FCN1: variants seen among roughly 807,000 people sequenced by gnomAD.
FCN1 encodes the protein ficolin-1.
Under a neutral mutation model 35.6 loss-of-function variants are expected in FCN1, and 42 were observed. That is an observed-to-expected ratio of 1.18 (90% CI 0.92 to 1.53). The LOEUF (loss-of-function observed/expected upper bound fraction) is 1.53. Ranked by LOEUF, FCN1 falls within the 40% of genes most tolerant of loss-of-function variation. The pLI, the probability that FCN1 is intolerant of heterozygous loss-of-function variation, is 0.00. For missense variants in FCN1, 439 were observed against 428.4 expected (o/e 1.02, Z -0.22); for synonymous variants, 179 against 169.8 (o/e 1.05, Z -0.42).
At chr9:134,912,189 G>C (rs184083505) in intron 7 of FCN1, among the ~76,000 whole-genome samples, 1 of 152,284 alleles carries the variant, frequency 6.6e-6, no homozygotes, top group Non-Finnish European at 1.5e-5. Context: ...TGGAGATGGG[G>C]GAAGGCTACC....
chr9:134,909,918 G>T lies in FCN1; in HGVS notation c.861C>A (p.Asn287Lys). The change falls in exon 9 of 9, where the codon AAC becomes AAA. Residue 287 changes from asparagine to lysine, a missense_variant. Transcript: ENST00000371806. Reference sequence around the variant, plus strand: ...GTCCCATGAGGTAGAGACCATTGAGGTTTGAAGCATGACAGTCGGCGTACC... The same window carrying T: ...GTCCCATGAGGTAGAGACCATTGAGTTTTGAAGCATGACAGTCGGCGTACC... ...AWWYADCHASNLNGLYLMGPH... is the reference protein window; with the variant it reads ...AWWYADCHASKLNGLYLMGPH... 6.2e-7 allele frequency: 1 copy of T among 1,614,148 alleles called. No homozygotes were observed. The highest frequency in any genetic ancestry group is 8.5e-7 in the Non-Finnish European group (1 of 1,180,030).
rs1462808996 is a variant in FCN1 at position 134,905,723 on chromosome 9, A to G, written c.*4075T>C. 6.6e-6 allele frequency among the ~76,000 whole-genome samples: 1 copy of G among 150,820 alleles called. No individual in the cohort carries two copies. The highest frequency in any genetic ancestry group is 2.5e-5 in the African/African-American group (1 of 40,808). ...ATGGTCTTGATCTCCTGACCTTGTG[A>G]TCCGCCCGCCTCGGCCTCCCAAAGT... On this transcript the variant is annotated 3_prime_UTR_variant, in exon 9 of 9. Coordinates refer to ENST00000371806, the MANE Select transcript of FCN1 (RefSeq NM_002003.5).
Position 134,912,485 on chromosome 9 carries a change from C to G in FCN1, c.598+1G>C, listed in dbSNP as rs1441773815. ...CCCCTGAGCCACGGCAGTGGCCCTA[C>G]CCTGGGCAGTCAGGGCGTGGATGTT... On this transcript the variant is annotated splice_donor_variant, in intron 7 of 8. Coordinates refer to ENST00000371806, the MANE Select transcript of FCN1 (RefSeq NM_002003.5). LOFTEE classifies it high-confidence loss of function. 2.5e-6 allele frequency: 4 copies of G among 1,613,600 alleles called. No homozygotes were observed. In the South Asian group the frequency reaches 3.3e-5, roughly 13 times the overall value.
rs1564215655 is a variant in FCN1, at chr9:134,905,924, TCCCTCTCCCTCTCCCTCTCCC to T, written c.*3853_*3873del. The T allele has an allele frequency of 9.2e-6, 1 of 109,182 alleles. No homozygotes were observed. 6.8% of individuals were successfully genotyped at this position (109,182 alleles called of 1,614,324 possible). A position where few individuals can be genotyped will look rare whatever the true frequency, so the allele number is the denominator to read the frequency against. On this transcript the variant is annotated 3_prime_UTR_variant, in exon 9 of 9. Transcript: ENST00000371806. Reference sequence around the variant, plus strand: ...CTTCTTCTTCTTCTTCTTCTTCTTCTCCCTCTCCCTCTCCCTCTCCCTCTCCCTCTCCCTCTCCCTCTTTCT... The same window carrying T: ...CTTCTTCTTCTTCTTCTTCTTCTTCTTCTCCCTCTCCCTCTCCCTCTTTCT...
chr9:134,916,078 A>G (rs1831088087), intron 2 of FCN1, among the ~76,000 whole-genome samples: 1 of 152,236 alleles, frequency 6.6e-6, no homozygotes. Context: ...AGCTGAGCAA[A>G]GCTGGTATTG....
chr9:134,917,590 T>C (rs1831106879), intron 1 of FCN1, among the ~76,000 whole-genome samples, 179 bp downstream of exon 1: 1 of 152,188 alleles, frequency 6.6e-6, no homozygotes, highest in Non-Finnish European at 1.5e-5. Context: ...TATCCCTCCA[T>C]GACCCTGGGC....
intron 7 of FCN1, among the ~76,000 whole-genome samples, 169 bp from the exon 8 acceptor site, chr9:134,911,436 C>T (rs530337027): frequency 6.6e-6 from 1 of 151,598 alleles, no homozygotes; most frequent in Admixed American, 6.6e-5. Context: ...CCTCCGCCTC[C>T]TGGGTTCAAG....
In FCN1 at chr9:134,911,266, T is replaced by C; in HGVS notation, c.600A>G (p.Gly200=). 1 of 1,614,032 alleles carries C rather than the reference T, an allele frequency of 6.2e-7. No individual in the cohort carries two copies. The highest frequency in any genetic ancestry group is 8.5e-7 in the Non-Finnish European group (1 of 1,179,944). ...CCAGGTCTACACGGAGCTCGCTGCTTCCTGTTGGAAAAAGATTTTAAGGCC... is the reference window on the plus strand; with the variant it reads ...CCAGGTCTACACGGAGCTCGCTGCTCCCTGTTGGAAAAAGATTTTAAGGCC... ...NDNIHALTAQ[G]SSELRVDLVD... is the part of the protein sequence containing the mutation. The change falls in exon 8 of 9, where the codon GGA becomes GGG. Residue 200 remains glycine (G), a splice_region_variant and synonymous_variant. Coordinates refer to ENST00000371806, the MANE Select transcript of FCN1 (RefSeq NM_002003.5).
intron 5 of FCN1, 104 bp from the exon 6 acceptor site, chr9:134,913,247 T>A: frequency 2.6e-5 from 38 of 1,473,844 alleles, no homozygotes; most frequent in Non-Finnish European, 3.4e-5. Flanking sequence ...CAGGCTTCTG[T>A]GCGGACCGAG....
intron 6 of FCN1, 118 bp from the exon 7 acceptor site, chr9:134,912,733 C>T (rs1288854392): frequency 2.2e-6 from 3 of 1,357,500 alleles, no homozygotes; most frequent in Non-Finnish European, 3.1e-6. Flanking sequence ...GCCGGTGCCA[C>T]ACGCACGCCC....
rs1351261226 is a variant in FCN1 at position 134,906,406 on chromosome 9, G to A, written c.*3392C>T. The A allele has an allele frequency of 1.3e-5, 2 of 152,104 alleles. No individual in the cohort carries two copies. The highest frequency in any genetic ancestry group is 2.9e-5 in the Non-Finnish European group (2 of 68,030). 9.4% of individuals were successfully genotyped at this position (152,104 alleles called of 1,614,324 possible). ...AGAGCTTTTGGATACCATAAATTTA[G>A]TTCTTTAAATAACTTCAAACATTTA... On this transcript the variant is annotated 3_prime_UTR_variant, in exon 9 of 9. Coordinates refer to ENST00000371806, the MANE Select transcript of FCN1 (RefSeq NM_002003.5).
In FCN1 at chr9:134,915,709, G is replaced by A. The variant is rs544552450; in HGVS notation, c.217+639C>T. On this transcript the variant is annotated intron_variant, in intron 2 of 8. Coordinates refer to ENST00000371806, the MANE Select transcript of FCN1 (RefSeq NM_002003.5). ...GCTCCGCAGGCATCATCTTGAATGC[G>A]TCCAGGCATGGGGAGCTCACCCCCT... Among the ~76,000 whole-genome samples the A allele has an allele frequency of 2.5e-4, 38 of 152,318 alleles. No homozygotes were observed. The South Asian group carries it at 6.4e-3, about 26-fold the overall frequency.
At chr9:134,913,183 C>A in intron 5 of FCN1, 40 bp from the exon 6 acceptor site, 1 of 1,610,254 alleles carries the variant, frequency 6.2e-7, no homozygotes, top group Non-Finnish European at 8.5e-7. Context: ...GGACGGGGGC[C>A]CTGGGCAGGA....
Position 134,911,247 on chromosome 9 carries a change from C to A in FCN1, c.619G>T (p.Asp207Tyr). ...TAQGSSELRV[D>Y]LVDFEGNHQF... ...TGGTTGCCCTCAAAGTCCACCAGGT[C>A]TACACGGAGCTCGCTGCTTCCTGTT... The change falls in exon 8 of 9, where the codon GAC (aspartate) becomes TAC (tyrosine). Residue 207 changes from aspartate (D) to tyrosine (Y), a missense_variant. Coordinates refer to ENST00000371806, the MANE Select transcript of FCN1 (RefSeq NM_002003.5). The A allele has an allele frequency of 1.2e-6, 2 of 1,614,070 alleles. No homozygotes were observed. Among genetic ancestry groups the A allele is most frequent in the Non-Finnish European group, 1.7e-6 (2 of 1,179,940 alleles).
chr9:134,916,962 G>A (rs1271685113), intron 1 of FCN1, among the ~76,000 whole-genome samples: 1 of 152,140 alleles, frequency 6.6e-6, no homozygotes, highest in Non-Finnish European at 1.5e-5. Context: ...GGCAGTGTGG[G>A]GTCCAAGGAC....
At chr9:134,912,922 G>T (rs1831042648) in intron 6 of FCN1, 94 bp downstream of exon 6, 2 of 1,528,226 alleles carry the variant, frequency 1.3e-6, no homozygotes, top group Non-Finnish European at 8.8e-7. Context: ...CCATCCAGGG[G>T]AATAGAGAAT....
chr9:134,917,557 C>T (rs1324479262), intron 1 of FCN1, among the ~76,000 whole-genome samples: 2 of 152,240 alleles, frequency 1.3e-5, no homozygotes, highest in African/African-American at 4.8e-5. Context: ...TCGAGGCAGA[C>T]AGACCTGGTG....
Position 134,909,521 on chromosome 9 carries a change from A to G in FCN1, c.*277T>C, listed in dbSNP as rs764772531. On this transcript the variant is annotated 3_prime_UTR_variant, in exon 9 of 9. Transcript: ENST00000371806. The stretch of plus-strand genomic sequence containing the variant: ...AATTCCAGGGAAAGACCTGCCGTGC[A>G]ACAGACACAGGAAAGTGATCAAAAC... 57 of 1,368,338 alleles carry G rather than the reference A, an allele frequency of 4.2e-5. No individual in the cohort carries two copies. The highest frequency in any genetic ancestry group is 5.3e-5 in the Non-Finnish European group (55 of 1,040,236). The allele number at this position is 1,368,338 out of a possible 1,614,324, so 84.8% of individuals were successfully genotyped here.
Position 134,909,640 on chromosome 9 carries a change from T to G in FCN1, c.*158A>C. 1 of 1,588,114 alleles carries G rather than the reference T, an allele frequency of 6.3e-7. No individual in the cohort carries two copies. Among genetic ancestry groups the G allele is most frequent in the African/African-American group, 1.3e-5 (1 of 74,828 alleles). ...AACATAATTCTCCCTCTGGTGAGGT[T>G]GTGGGCATGTGGCGGCTTGACTGAG... On this transcript the variant is annotated 3_prime_UTR_variant, in exon 9 of 9. Transcript: ENST00000371806.
Sources: allele counts gnomAD v4.1 joint callset (sites outside exome capture counted in the v4.1 genomes callset), GRCh38; gene constraint gnomAD v4.1.1; transcripts MANE v1.5; gene names NCBI Gene and HGNC (gene_info 2026-07-23, HGNC 2026-07-21).